Variants in CSF1 observed in about 807,000 individuals in gnomAD.
CSF1 encodes the protein macrophage colony-stimulating factor 1.
Under a neutral mutation model 48.9 loss-of-function variants are expected in CSF1, and 9 were observed. The observed-to-expected ratio is 0.18, with a 90% confidence interval of 0.11 to 0.32. CSF1 has a LOEUF of 0.32. Among genes scored for constraint, CSF1 ranks in the 10% least tolerant of loss-of-function variants. CSF1 has a pLI of 1.00. For missense variants in CSF1, 672 were observed against 697.9 expected, an observed-to-expected ratio of 0.96 and a Z score of 0.42; for synonymous variants, 305 against 284.1, an observed-to-expected ratio of 1.07 and a Z score of -0.74.
intron 8 of CSF1, among the ~76,000 whole-genome samples, chr1:109,927,505 C>T (rs934596021): frequency 2.0e-5 from 3 of 152,176 alleles, no homozygotes; most frequent in Non-Finnish European, 4.4e-5. Context: ...TCGTCTGTCC[C>T]CAAACCCCTC....
rs576066454 is a variant in CSF1, at chr1:109,930,553, C to A, written c.*1715C>A. 6.6e-6 allele frequency: 1 copy of A among 152,214 alleles called. No individual in the cohort carries two copies. Among genetic ancestry groups the A allele is most frequent in the African/African-American group, 2.4e-5 (1 of 41,440 alleles). 9.4% of individuals were successfully genotyped at this position (152,214 alleles called of 1,614,324 possible). ...GGCCCCACCTTCCCTGTCCTGATGCCGACAGCTTAGGGAAGGGCAGTGAAC... is the reference window on the plus strand; with the variant it reads ...GGCCCCACCTTCCCTGTCCTGATGCAGACAGCTTAGGGAAGGGCAGTGAAC... On this transcript the variant is annotated 3_prime_UTR_variant, in exon 9 of 9. Transcript: ENST00000329608.
chr1:109,912,860 C>T (rs1007918254), intron 1 of CSF1, among the ~76,000 whole-genome samples: 2 of 152,180 alleles, frequency 1.3e-5, no homozygotes, highest in Non-Finnish European at 2.9e-5. Context: ...CCCCCCAGCC[C>T]CCGTGACTGC....
Position 109,923,159 on chromosome 1 carries a change from C to G in CSF1, c.545-7C>G, listed in dbSNP as rs1206325584. The G allele has an allele frequency of 4.0e-6, 6 of 1,509,386 alleles. No homozygotes were observed. Among genetic ancestry groups the G allele is most frequent in the Non-Finnish European group, 5.3e-6 (6 of 1,128,322 alleles). The allele number at this position is 1,509,386 out of a possible 1,614,324, so 93.5% of individuals were successfully genotyped here. A position where few individuals can be genotyped will look rare whatever the true frequency, so the allele number is the denominator to read the frequency against. On this transcript the variant is annotated splice_polypyrimidine_tract_variant and splice_region_variant and intron_variant, in intron 5 of 8. Transcript: ENST00000329608. The stretch of plus-strand genomic sequence containing the variant: ...TTTCTCTCTCCTTCTCTCTGTGGTT[C>G]TTTCAGATGTGGTGACCAAGCCTGA...
At chr1:109,914,639 G>T (rs1400046842) in intron 2 of CSF1, among the ~76,000 whole-genome samples, 1 of 152,218 alleles carries the variant, frequency 6.6e-6, no homozygotes, top group African/African-American at 2.4e-5. Context: ...TGCTTGCCTG[G>T]GTTAGTGATT....
At chr1:109,923,101 G>T in intron 5 of CSF1, 65 bp from the exon 6 acceptor site, 1 of 1,448,818 alleles carries the variant, frequency 6.9e-7, no homozygotes. Flanking sequence ...GGAAAGCTGT[G>T]CTGGAGGCTA....
Position 109,911,046 on chromosome 1 carries a change from G to C in CSF1, c.23G>C (p.Gly8Ala). The change falls in exon 1 of 9, where the codon GGG (glycine) becomes GCG (alanine). Residue 8 changes from glycine to alanine, a missense_variant. By Grantham distance (60) the Gly-to-Ala change is moderately conservative. Around this residue, in one of 3 missense-constraint regions of CSF1, gnomAD observed 53 missense variants for 45.5 expected, o/e 1.17. Transcript: ENST00000329608. ...CGTATGACCGCGCCGGGCGCCGCCG[G>C]GCGCTGCCCTCCCACGGTAAGCGAC... MTAPGAA[G>A]RCPPTTWLGS... 1 of 1,131,486 alleles carries C rather than the reference G, an allele frequency of 8.8e-7. No individual in the cohort carries two copies. Among genetic ancestry groups the C allele is most frequent in the Non-Finnish European group, 1.1e-6 (1 of 924,546 alleles). The allele number at this position is 1,131,486 out of a possible 1,614,324, so 70.1% of individuals were successfully genotyped here. A position where few individuals can be genotyped will look rare whatever the true frequency, so the allele number is the denominator to read the frequency against.
intron 4 of CSF1, among the ~76,000 whole-genome samples, chr1:109,917,892 G>A (rs1316189263): frequency 6.6e-6 from 1 of 152,194 alleles, no homozygotes; most frequent in Non-Finnish European, 1.5e-5. Context: ...TTACATTTGG[G>A]GGTGACGGTA....
At chr1:109,915,562 G>T in intron 2 of CSF1, 72 bp from the exon 3 acceptor site, 1 of 1,342,090 alleles carries the variant, frequency 7.5e-7, no homozygotes, top group Non-Finnish European at 1.1e-6. Context: ...TAAGGTCCCC[G>T]TTTTGAAGAA....
At chr1:109,911,640 G>A (rs949777020) in intron 1 of CSF1, among the ~76,000 whole-genome samples, 1 of 152,216 alleles carries the variant, frequency 6.6e-6, no homozygotes, top group Non-Finnish European at 1.5e-5. Flanking sequence ...TGGCTGTTTG[G>A]GGGGTGGGGT....
intron 4 of CSF1, among the ~76,000 whole-genome samples, chr1:109,921,330 A>G (rs1190931842): frequency 6.6e-6 from 1 of 152,036 alleles, no homozygotes; most frequent in Non-Finnish European, 1.5e-5. Context: ...CTTTTCATGC[A>G]TTTTCTTGCC....
chr1:109,925,801 C>G (rs1647821504), intron 8 of CSF1, among the ~76,000 whole-genome samples: 1 of 152,168 alleles, frequency 6.6e-6, no homozygotes, highest in African/African-American at 2.4e-5. Context: ...AGGGAGCCAG[C>G]CAGCTGGCTG....
intron 8 of CSF1, among the ~76,000 whole-genome samples, chr1:109,928,524 G>T: frequency 6.6e-6 from 1 of 152,174 alleles, no homozygotes; most frequent in African/African-American, 2.4e-5. Flanking sequence ...TGCCCGCTTC[G>T]CTCCTTGTCA....
chr1:109,915,807 G>C, intron 3 of CSF1, 111 bp downstream of exon 3: 2 of 920,672 alleles, frequency 2.2e-6, no homozygotes, highest in East Asian at 5.0e-5. Flanking sequence ...GAAAGGGTGA[G>C]AGTGTGAGGA....
intron 4 of CSF1, among the ~76,000 whole-genome samples, chr1:109,917,678 G>T (rs1239891394): frequency 5.9e-5 from 9 of 152,170 alleles, no homozygotes; most frequent in African/African-American, 1.4e-4. Flanking sequence ...ACAAATACAT[G>T]GTCCCACCCC....
At chr1:109,925,770 G>A (rs541863379) in intron 8 of CSF1, among the ~76,000 whole-genome samples, 9 of 152,124 alleles carry the variant, frequency 5.9e-5, no homozygotes, top group Non-Finnish European at 1.3e-4. Flanking sequence ...CAAAGGGACT[G>A]CCCCTCTCCA....
At chr1:109,910,511 A>T (rs2101635222), upstream of CSF1, 1 of 403,524 alleles carries the variant, frequency 2.5e-6, no homozygotes, top group East Asian at 7.9e-5. Context: ...GCACTGAATC[A>T]GCCTGGAGAG....
Position 109,923,574 on chromosome 1 carries a change from C to A in CSF1, c.953C>A (p.Pro318His). The change falls in exon 6 of 9, where the codon CCC becomes CAC. Residue 318 changes from proline (P) to histidine (H), a missense_variant. Pro to His is a moderately conservative substitution (Grantham distance 77). Coordinates refer to ENST00000329608, the MANE Select transcript of CSF1 (RefSeq NM_000757.6). ...ASGEASEIPV[P>H]QGTELSPSRP... ...GGAGAGGCCAGTGAGATTCCCGTACCCCAAGGGACAGAGCTTTCCCCCTCC... is the reference window on the plus strand; with the variant it reads ...GGAGAGGCCAGTGAGATTCCCGTACACCAAGGGACAGAGCTTTCCCCCTCC... The A allele has an allele frequency of 6.2e-7, 1 of 1,614,164 alleles. No homozygotes were observed. The highest frequency in any genetic ancestry group is 1.1e-5 in the South Asian group (1 of 91,086).
Position 109,924,112 on chromosome 1 carries a change from C to T in CSF1, c.1491C>T (p.Val497=), listed in dbSNP as rs140090023. 55 of 1,614,090 alleles carry T rather than the reference C, an allele frequency of 3.4e-5. No individual in the cohort carries two copies. The highest frequency in any genetic ancestry group is 4.4e-5 in the Non-Finnish European group (52 of 1,180,042). The part of the protein sequence containing the change: ...GSFSPQLQES[V]FHLLVPSVIL... ...TCAGCCCGCAGCTCCAGGAGTCTGT[C>T]TTCCACCTGCTGGTGCCCAGTGTCA... is the stretch of plus-strand genomic sequence containing the variant. The change falls in exon 6 of 9, where the codon GTC becomes GTT. Residue 497 remains valine, a synonymous_variant. Coordinates refer to ENST00000329608, the MANE Select transcript of CSF1 (RefSeq NM_000757.6).
intron 1 of CSF1, 91 bp from the exon 2 acceptor site, chr1:109,914,168 T>G: frequency 7.3e-7 from 1 of 1,375,632 alleles, no homozygotes; most frequent in Non-Finnish European, 9.8e-7. Context: ...GCATTGTAGA[T>G]ATGAGGCCTT....
Sources: allele counts gnomAD v4.1 joint callset (sites outside exome capture counted in the v4.1 genomes callset), GRCh38; gene constraint gnomAD v4.1.1; regional missense constraint gnomAD v4.1.1; transcripts MANE v1.5; gene names NCBI Gene and HGNC (gene_info 2026-07-23, HGNC 2026-07-21).